PCDHGB4: variants seen among roughly 807,000 people sequenced by gnomAD.
PCDHGB4 encodes the protein protocadherin gamma subfamily B, 4, also known as protocadherin gamma-B4.
A neutral mutation model predicts 60.5 loss-of-function variants in PCDHGB4; 38 were observed. The observed-to-expected ratio is 0.63, with a 90% CI of 0.48 to 0.82. The LOEUF is 0.82. Among genes scored for constraint, PCDHGB4 ranks in the 40% least tolerant of loss-of-function variants. The probability of loss-of-function intolerance (pLI) is 0.00; values close to 1 mark genes in which losing one functional copy is unlikely to be tolerated. For synonymous variants in PCDHGB4, 456 were observed against 509.7 expected, an observed-to-expected ratio of 0.89 and a Z score of 1.42; for missense variants, 1,109 against 1,209.6, an observed-to-expected ratio of 0.92 and a Z score of 1.23.
chr5:141,432,934 G>T lies in PCDHGB4; in HGVS notation c.2397+42653G>T, dbSNP rs377666802. 1.2e-6 allele frequency: 2 copies of T among 1,614,078 alleles called. No individual in the cohort carries two copies. The highest frequency in any genetic ancestry group is 1.3e-5 in the African/African-American group (1 of 74,940). On this transcript the variant is annotated intron_variant, in intron 1 of 3. Coordinates refer to ENST00000519479, the MANE Select transcript of PCDHGB4 (RefSeq NM_003736.4). This position sits in a 1 kb window ranked among gnomAD's most constrained non-coding sequence, Gnocchi z 6.0. ...GGCGCTGGCACAAGTCACGCCTGCT[G>T]CAGGCTTCAGGAGGCGGCTTGACAG...
In PCDHGB4 at chr5:141,431,280, C is replaced by T. The variant is rs2097357763; in HGVS notation, c.2397+40999C>T. The T allele has an allele frequency of 1.9e-6, 3 of 1,614,146 alleles. No homozygotes were observed. Among genetic ancestry groups the T allele is most frequent in the South Asian group, 1.1e-5 (1 of 91,088 alleles). ...TCTCTGCAGAGCTACGAGCTCAGCC[C>T]GAACACTCACTTCTCCCTCATCGTG... On this transcript the variant is annotated intron_variant, in intron 1 of 3. Transcript: ENST00000519479. This position sits in a 1 kb window ranked among gnomAD's most constrained non-coding sequence, Gnocchi z 4.8.
chr5:141,399,008 G>GC, intron 1 of PCDHGB4: 1 of 1,613,904 alleles, frequency 6.2e-7, no homozygotes, highest in Non-Finnish European at 8.5e-7. Flanking sequence ...AATTCAAAGA[G>GC]CGGAGAAATT....
At chr5:141,478,231 T>C (rs1423148) in intron 1 of PCDHGB4, 739,438 of 1,613,786 alleles carry the variant, frequency 0.46, 177,434 homozygotes, top group African/African-American at 0.83. Flanking sequence ...CTGTGGGGTT[T>C]GTGGTCACAG....
chr5:141,409,445 A>G, intron 1 of PCDHGB4: 1 of 1,613,988 alleles, frequency 6.2e-7, no homozygotes, highest in Non-Finnish European at 8.5e-7. Context: ...CCGAGAGCAG[A>G]CACCAGAATA....
intron 1 of PCDHGB4, among the ~76,000 whole-genome samples, chr5:141,435,783 G>A (rs1273339025): frequency 6.6e-6 from 1 of 152,124 alleles, no homozygotes; most frequent in Non-Finnish European, 1.5e-5. Context: ...TAAAGGTGCA[G>A]GGAAACATAA....
At chr5:141,394,188 G>A (rs772537455) in intron 1 of PCDHGB4, 1 of 1,613,828 alleles carries the variant, frequency 6.2e-7, no homozygotes, top group Non-Finnish European at 8.5e-7. Flanking sequence ...CTCCTACTCA[G>A]CGTATATCCT....
chr5:141,494,100 G>A (rs559145191), intron 1 of PCDHGB4, among the ~76,000 whole-genome samples: 7 of 152,270 alleles, frequency 4.6e-5, no homozygotes, highest in South Asian at 2.1e-4. Flanking sequence ...ATTTTTCTCC[G>A]TCTCAGACAG....
intron 1 of PCDHGB4, among the ~76,000 whole-genome samples, chr5:141,459,682 A>G (rs557568098): frequency 2.4e-4 from 37 of 152,358 alleles, no homozygotes; most frequent in African/African-American, 8.2e-4. Flanking sequence ...AGCAATGCAT[A>G]AAGCGTTCCG....
chr5:141,485,666 A>G lies in PCDHGB4; in HGVS notation c.2398-9141A>G. ...GGCTCAGGATGCAGATGTGGGGAGC[A>G]ATTCGATTAGCAGCTATAGGCTGAG... On this transcript the variant is annotated intron_variant, in intron 1 of 3. Coordinates refer to ENST00000519479, the MANE Select transcript of PCDHGB4 (RefSeq NM_003736.4). The surrounding 1 kb of genome is among the most constrained non-coding windows in gnomAD (Gnocchi z 5.7). 1 of 1,612,786 alleles carries G rather than the reference A, an allele frequency of 6.2e-7. No homozygotes were observed. Among genetic ancestry groups the G allele is most frequent in the Non-Finnish European group, 8.5e-7 (1 of 1,178,960 alleles).
intron 1 of PCDHGB4, among the ~76,000 whole-genome samples, chr5:141,466,921 AG>A (rs2099132133): frequency 6.6e-6 from 1 of 152,204 alleles, no homozygotes; most frequent in African/African-American, 2.4e-5. Context: ...TCCTTGTATT[AG>A]GAATATTAGT....
chr5:141,504,752 A>G (rs1194764381), intron 2 of PCDHGB4, among the ~76,000 whole-genome samples: 23 of 151,894 alleles, frequency 1.5e-4, no homozygotes, highest in Non-Finnish European at 3.2e-4. Flanking sequence ...TGAATTTTAG[A>G]AATTTCTTCT....
Position 141,486,369 on chromosome 5 carries a change from C to A in PCDHGB4, c.2398-8438C>A. On this transcript the variant is annotated intron_variant, in intron 1 of 3. Coordinates refer to ENST00000519479, the MANE Select transcript of PCDHGB4 (RefSeq NM_003736.4). This position sits in a 1 kb window ranked among gnomAD's most constrained non-coding sequence, Gnocchi z 5.0. ...GACCACTTGCCATTTGCCCTCAAGT[C>A]TGCCTTCAGGAACCAGTTCTCCCTG... 6.2e-7 allele frequency: 1 copy of A among 1,614,128 alleles called. No individual in the cohort carries two copies. Among genetic ancestry groups the A allele is most frequent in the African/African-American group, 1.3e-5 (1 of 75,048 alleles).
intron 1 of PCDHGB4, chr5:141,409,600 G>T (rs778681839): frequency 6.8e-6 from 11 of 1,613,882 alleles, no homozygotes; most frequent in Admixed American, 1.7e-5. Flanking sequence ...AGAACAACCC[G>T]CCAGGAGCCT....
chr5:141,422,938 G>A (rs1226350240), intron 1 of PCDHGB4: 2 of 1,614,116 alleles, frequency 1.2e-6, no homozygotes, highest in Non-Finnish European at 1.7e-6. Flanking sequence ...CCTCCCCACA[G>A]ACGGCTCCAC....
intron 1 of PCDHGB4, chr5:141,422,641 A>G (rs557969590): frequency 1.2e-6 from 2 of 1,612,356 alleles, no homozygotes; most frequent in Admixed American, 1.7e-5. Context: ...GGGTGCCTCC[A>G]TCTTCTCAGT....
At position 141,395,537 on chromosome 5, in the gene PCDHGB4, A is replaced by T. The variant is rs946783125; in HGVS notation, c.2397+5256A>T. 3.3e-5 allele frequency: 8 copies of T among 243,972 alleles called. No homozygotes were observed. In the African/African-American group the frequency reaches 3.8e-4, roughly 12 times the overall value. 15.1% of individuals were successfully genotyped at this position (243,972 alleles called of 1,614,324 possible). On this transcript the variant is annotated intron_variant, in intron 1 of 3. Transcript: ENST00000519479. ...ACCCGTCCATACTGGTAATTTTGCT[A>T]TTGTTTGTGTGTGTGTGTGTGTGTG...
intron 2 of PCDHGB4, among the ~76,000 whole-genome samples, chr5:141,500,416 A>G: frequency 6.6e-6 from 1 of 151,634 alleles, no homozygotes; most frequent in East Asian, 2.0e-4. Flanking sequence ...TCACCGTGTT[A>G]GCCAGGATGG....
At position 141,487,152 on chromosome 5, in the gene PCDHGB4, C is replaced by T. The variant is rs772254681; in HGVS notation, c.2398-7655C>T. On this transcript the variant is annotated intron_variant, in intron 1 of 3. Coordinates refer to ENST00000519479, the MANE Select transcript of PCDHGB4 (RefSeq NM_003736.4). The surrounding 1 kb of genome is among the most constrained non-coding windows in gnomAD (Gnocchi z 5.0). ...AGTCCACCACTCTCTACCTCTGTTA[C>T]TCTCTTAGTGTCCTTAGAGGAAGAC... 3.7e-6 allele frequency: 6 copies of T among 1,613,860 alleles called. No homozygotes were observed. Among genetic ancestry groups the T allele is most frequent in the Non-Finnish European group, 5.1e-6 (6 of 1,179,828 alleles).
intron 1 of PCDHGB4, chr5:141,409,914 G>C: frequency 6.2e-7 from 1 of 1,613,348 alleles, no homozygotes; most frequent in East Asian, 2.2e-5. Context: ...GGTCCTGACG[G>C]CTCCGCGTTC....
Sources: allele counts gnomAD v4.1 joint callset (sites outside exome capture counted in the v4.1 genomes callset), GRCh38; gene constraint gnomAD v4.1.1; non-coding constraint Gnocchi (gnomAD v3.1); transcripts MANE v1.5; gene names NCBI Gene and HGNC (gene_info 2026-07-23, HGNC 2026-07-21).